DNAAF11: variants seen among roughly 807,000 people sequenced by gnomAD.
DNAAF11 encodes the protein leucine rich repeat containing 6.
Under a neutral mutation model 60.8 loss-of-function variants are expected in DNAAF11, and 45 were observed. The ratio of observed to expected loss-of-function variants is 0.74; its 90% CI spans 0.58 to 0.95. The LOEUF (loss-of-function observed/expected upper bound fraction) is 0.95. Among genes scored for constraint, DNAAF11 ranks in the 40% least tolerant of loss-of-function variants. DNAAF11 has a pLI of 0.00. For missense variants in DNAAF11, 546 were observed against 546.2 expected, an observed-to-expected ratio of 1.00 and a Z score of 0.00; for synonymous variants, 191 against 183.5, an observed-to-expected ratio of 1.04 and a Z score of -0.33.
intron 4 of DNAAF11, among the ~76,000 whole-genome samples, chr8:132,634,491 T>C (rs570534589): frequency 2.0e-5 from 3 of 152,204 alleles, no homozygotes; most frequent in African/African-American, 7.2e-5. Context: ...AATGATAAAT[T>C]CAATGCAATA....
chr8:132,623,841 C>T (rs1819988582), intron 6 of DNAAF11, among the ~76,000 whole-genome samples: 1 of 152,124 alleles, frequency 6.6e-6, no homozygotes, highest in Non-Finnish European at 1.5e-5. Flanking sequence ...TTGGCTTCAC[C>T]CTACTCAGTG....
intron 10 of DNAAF11, among the ~76,000 whole-genome samples, chr8:132,592,462 G>A (rs1244272147): frequency 1.3e-5 from 2 of 152,174 alleles, no homozygotes; most frequent in Non-Finnish European, 2.9e-5. Flanking sequence ...TATATTCCTA[G>A]TGTATGGGCT....
intron 5 of DNAAF11, among the ~76,000 whole-genome samples, chr8:132,631,429 A>G (rs1008008849): frequency 2.6e-5 from 4 of 152,236 alleles, no homozygotes; most frequent in African/African-American, 9.6e-5. Context: ...ATTATTCTAT[A>G]CTTACAATGA....
rs527849928 is a variant in DNAAF11 at position 132,577,807 on chromosome 8, G to A, written c.1227-5327C>T. ...CCAAGTAGCTGGGGCTACAGGTGCT[G>A]CATGCCACCATGCCTGGCTAATTTT... On this transcript the variant is annotated intron_variant, in intron 11 of 11. Transcript: ENST00000620350. Among the ~76,000 whole-genome samples, 34 of 152,156 alleles carry A rather than the reference G, an allele frequency of 2.2e-4. 2 individuals are homozygous for A. In the South Asian group the frequency reaches 6.8e-3, roughly 31 times the overall value.
At position 132,575,511 on chromosome 8, in the gene DNAAF11, A is replaced by C. The variant is rs187902767; in HGVS notation, c.1227-3031T>G. ...AGACATGGTGTATGCCCACAATCAA[A>C]TGAGGAGGACACACGTATACTGGGC... On this transcript the variant is annotated intron_variant, in intron 11 of 11. Transcript: ENST00000620350. 4.3e-3 allele frequency among the ~76,000 whole-genome samples: 654 copies of C among 152,274 alleles called. 6 individuals are homozygous for C. Among genetic ancestry groups the C allele is most frequent in the Non-Finnish European group, 4.6e-3 (314 of 68,026 alleles).
chr8:132,630,203 G>A (rs1015491561), intron 5 of DNAAF11, among the ~76,000 whole-genome samples: 2 of 152,194 alleles, frequency 1.3e-5, no homozygotes, highest in Non-Finnish European at 2.9e-5. Context: ...TTTGAAAAAT[G>A]AGAATATCTC....
intron 2 of DNAAF11, among the ~76,000 whole-genome samples, chr8:132,658,611 G>C (rs1450510973): frequency 6.6e-6 from 1 of 152,098 alleles, no homozygotes; most frequent in Non-Finnish European, 1.5e-5. Context: ...ATGAGCCACC[G>C]CTCCCAGCAG....
chr8:132,700,354 C>T, the DNAAF11 span, among the ~76,000 whole-genome samples: 8 of 152,082 alleles, frequency 5.3e-5, no homozygotes, highest in Non-Finnish European at 8.8e-5. Context: ...TTCCTCTCAT[C>T]ACCAGCTGGC....
At chr8:132,675,559 C>T (rs1279329291), upstream of DNAAF11, 6 of 1,477,424 alleles carry the variant, frequency 4.1e-6, no homozygotes, top group African/African-American at 1.4e-5. Flanking sequence ...TTTCACCCTT[C>T]ACCCCTGCTC....
chr8:132,690,529 G>A, the DNAAF11 span, among the ~76,000 whole-genome samples: 1 of 152,092 alleles, frequency 6.6e-6, no homozygotes, highest in Non-Finnish European at 1.5e-5. Context: ...TGTAAAAATG[G>A]ACTGATACAA....
intron 5 of DNAAF11, among the ~76,000 whole-genome samples, chr8:132,629,654 C>A (rs73356803): frequency 6.6e-6 from 1 of 151,936 alleles, no homozygotes; most frequent in Non-Finnish European, 1.5e-5. Flanking sequence ...GCCCAGATAC[C>A]CATTCTTAAC....
rs1318614921 is a variant in DNAAF11, at chr8:132,609,862, C to T, written c.1140+304G>A. 2.0e-5 allele frequency among the ~76,000 whole-genome samples: 3 copies of T among 152,132 alleles called. No homozygotes were observed. The East Asian group carries it at 5.8e-4, about 29-fold the overall frequency. ...CTGCAGCTTACAGCAGGAAATATCC[C>T]AACTCATTCATATGGCCTGTAATGA... On this transcript the variant is annotated intron_variant, in intron 10 of 11. Transcript: ENST00000620350.
At chr8:132,684,292 C>A in the DNAAF11 span, among the ~76,000 whole-genome samples, 97 of 152,242 alleles carry the variant, frequency 6.4e-4, no homozygotes, top group African/African-American at 2.2e-3. Context: ...TTAAATCAGC[C>A]AAATGAAGAG....
At chr8:132,644,388 G>A (rs1822154063) in intron 3 of DNAAF11, among the ~76,000 whole-genome samples, 1 of 152,056 alleles carries the variant, frequency 6.6e-6, no homozygotes, top group East Asian at 1.9e-4. Flanking sequence ...GGCCAAATAG[G>A]AACAGCTCCA....
the DNAAF11 span, among the ~76,000 whole-genome samples, chr8:132,686,400 A>G: frequency 6.6e-6 from 1 of 152,200 alleles, no homozygotes; most frequent in African/African-American, 2.4e-5. Flanking sequence ...GTCATTCCAA[A>G]TGGGATGGGA....
At chr8:132,692,654 G>A in the DNAAF11 span, among the ~76,000 whole-genome samples, 3 of 152,156 alleles carry the variant, frequency 2.0e-5, 1 homozygote, top group South Asian at 4.1e-4. Context: ...CCTTGTGAAG[G>A]TGCTCAAACC....
chr8:132,689,580 T>C, the DNAAF11 span, among the ~76,000 whole-genome samples: 2 of 152,210 alleles, frequency 1.3e-5, no homozygotes, highest in Non-Finnish European at 2.9e-5. Context: ...AATAGGAATA[T>C]ACTATATACA....
At chr8:132,576,348 G>A (rs1157301474) in intron 11 of DNAAF11, among the ~76,000 whole-genome samples, 1 of 152,092 alleles carries the variant, frequency 6.6e-6, no homozygotes, top group Non-Finnish European at 1.5e-5. Context: ...TGTGTGTCCT[G>A]GAGACTGAAA....
intron 3 of DNAAF11, among the ~76,000 whole-genome samples, chr8:132,644,303 C>T (rs368723685): frequency 1.2e-4 from 19 of 152,188 alleles, no homozygotes; most frequent in Middle Eastern, 3.4e-3. Flanking sequence ...TAATAACAAA[C>T]GTAATTAAAA....
Sources: gnomAD v4.1 joint callset for allele counts (sites outside exome capture counted in the v4.1 genomes callset) on GRCh38, gnomAD v4.1.1 for gene constraint, MANE v1.5 for transcripts, NCBI Gene and HGNC (gene_info 2026-07-23, HGNC 2026-07-21) for gene names.